Variants in SEMG2 observed in about 807,000 individuals in gnomAD.
SEMG2 encodes semenogelin-2.
In SEMG2, 3 loss-of-function variants were observed where a neutral mutation model predicts 8.1. The observed-to-expected ratio is 0.37, with a 90% confidence interval of 0.17 to 0.96. SEMG2 has a LOEUF of 0.96. Among genes scored for constraint, SEMG2 ranks in the 40% least tolerant of loss-of-function variants. SEMG2 has a pLI of 0.41. For missense variants in SEMG2, 726 were observed against 671.2 expected (o/e 1.08, Z -0.90); for synonymous variants, 252 against 231.4 (o/e 1.09, Z -0.81).
In SEMG2 at chr20:45,222,702, A is replaced by G. The variant is rs751275917; in HGVS notation, c.1070A>G (p.His357Arg). The G allele has an allele frequency of 2.5e-6, 4 of 1,613,198 alleles. No homozygotes were observed. Among genetic ancestry groups the G allele is most frequent in the African/African-American group, 1.3e-5 (1 of 74,688 alleles). Residue 357 changes from histidine to arginine, a missense_variant, in exon 2 of 3, where the codon CAT (histidine) becomes CGT (arginine). His to Arg is a conservative substitution (Grantham distance 29). Transcript: ENST00000372769. ...SYQSSSTEER[H>R]LNCGEKGIQK... Reference sequence around the variant, plus strand: ...CAATCTTCAAGTACAGAAGAAAGACATCTCAACTGTGGAGAAAAGGGCATC... The same window carrying G: ...CAATCTTCAAGTACAGAAGAAAGACGTCTCAACTGTGGAGAAAAGGGCATC...
chr20:45,222,701 C>T lies in SEMG2; in HGVS notation c.1069C>T (p.His357Tyr), dbSNP rs1984049936. Residue 357 changes from histidine (H) to tyrosine (Y), a missense_variant, in exon 2 of 3, where the codon CAT becomes TAT. Coordinates refer to ENST00000372769, the MANE Select transcript of SEMG2 (RefSeq NM_003008.3). ...CCAATCTTCAAGTACAGAAGAAAGACATCTCAACTGTGGAGAAAAGGGCAT... is the reference window on the plus strand; with the variant it reads ...CCAATCTTCAAGTACAGAAGAAAGATATCTCAACTGTGGAGAAAAGGGCAT... ...SYQSSSTEERHLNCGEKGIQK... is the reference protein window; with the variant it reads ...SYQSSSTEERYLNCGEKGIQK... 1 of 1,613,028 alleles carries T rather than the reference C, an allele frequency of 6.2e-7. No homozygotes were observed. Among genetic ancestry groups the T allele is most frequent in the Non-Finnish European group, 8.5e-7 (1 of 1,179,758 alleles).
chr20:45,223,928 A>G (rs1456371187), intron 2 of SEMG2, among the ~76,000 whole-genome samples: 1 of 152,208 alleles, frequency 6.6e-6, no homozygotes, highest in Non-Finnish European at 1.5e-5. Context: ...CTCTGAATAT[A>G]GGAAAGATAT....
rs1388056894 is a variant in SEMG2 at position 45,222,811 on chromosome 20, T to C, written c.1179T>C (p.Pro393=). ...AGTCTCAAAACCAGGTAAGAATTCCTAGTCAAGCTCAAGAGTATGGCCATA... is the reference window on the plus strand; with the variant it reads ...AGTCTCAAAACCAGGTAAGAATTCCCAGTCAAGCTCAAGAGTATGGCCATA... ...HGKSQNQVRI[P]SQAQEYGHKE... is the part of the protein sequence containing the mutation. Residue 393 remains proline (P), a synonymous_variant, in exon 2 of 3, where the codon CCT becomes CCC. Transcript: ENST00000372769. 2 of 1,614,058 alleles carry C rather than the reference T, an allele frequency of 1.2e-6. No individual in the cohort carries two copies. The highest frequency in any genetic ancestry group is 1.7e-5 in the Admixed American group (1 of 60,020).
chr20:45,222,528 A>C lies in SEMG2; in HGVS notation c.896A>C (p.His299Pro). The change falls in exon 2 of 3, where the codon CAC becomes CCC. Residue 299 changes from histidine to proline, a missense_variant. Physicochemically the swap from His to Pro is moderately conservative, Grantham distance 77. Coordinates refer to ENST00000372769, the MANE Select transcript of SEMG2 (RefSeq NM_003008.3). ...PSSRTEERQL[H>P]HGEKSVQKDV... Reference sequence around the variant, plus strand: ...TCACGTACAGAAGAAAGACAACTTCACCATGGAGAAAAGAGTGTACAGAAA... The same window carrying C: ...TCACGTACAGAAGAAAGACAACTTCCCCATGGAGAAAAGAGTGTACAGAAA... 1 of 1,614,068 alleles carries C rather than the reference A, an allele frequency of 6.2e-7. No individual in the cohort carries two copies. The highest frequency in any genetic ancestry group is 8.5e-7 in the Non-Finnish European group (1 of 1,179,998).
chr20:45,221,605 G>A (rs6104068), intron 1 of SEMG2, 104 bp from the exon 2 acceptor site: 1 of 1,396,242 alleles, frequency 7.2e-7, no homozygotes, highest in Admixed American at 2.1e-5. Flanking sequence ...CAACGCTGTA[G>A]GCTTTTGGAA....
rs1600657629 is a variant in SEMG2, at chr20:45,221,987, T to C, written c.355T>C (p.Ser119Pro). ...ACAAGAAGGCAGAGACCATGATAAATCAAAAGGTCATTTTCACATGATAGT... is the reference window on the plus strand; with the variant it reads ...ACAAGAAGGCAGAGACCATGATAAACCAAAAGGTCATTTTCACATGATAGT... ...YKQEGRDHDK[S>P]KGHFHMIVIH... Residue 119 changes from serine to proline, a missense_variant, in exon 2 of 3, where the codon TCA becomes CCA. Transcript: ENST00000372769. 6.2e-7 allele frequency: 1 copy of C among 1,613,824 alleles called. No individual in the cohort carries two copies. The highest frequency in any genetic ancestry group is 1.3e-5 in the African/African-American group (1 of 74,876).
intron 1 of SEMG2, 99 bp downstream of exon 1, chr20:45,221,564 T>C: frequency 6.9e-7 from 1 of 1,439,534 alleles, no homozygotes; most frequent in South Asian, 1.3e-5. Context: ...CACAGATTCT[T>C]CTCCTTGATG....
rs1171156693 is a variant in SEMG2 at position 45,221,546 on chromosome 20, T to G, written c.76+81T>G. The G allele has an allele frequency of 9.9e-6, 15 of 1,512,280 alleles. No individual in the cohort carries two copies. In the South Asian group the frequency reaches 1.6e-4, roughly 16 times the overall value. 93.7% of individuals were successfully genotyped at this position (1,512,280 alleles called of 1,614,324 possible). A position where few individuals can be genotyped will look rare whatever the true frequency, so the allele number is the denominator to read the frequency against. On this transcript the variant is annotated intron_variant, in intron 1 of 2. Transcript: ENST00000372769. ...GATATTCAGGGTGCAAACAGTAACC[T>G]GTTCAGGCACAGATTCTTCTCCTTG...
rs986705429 is a variant in SEMG2 at position 45,221,677 on chromosome 20, T to C, written c.77-32T>C. 38 of 1,532,068 alleles carry C rather than the reference T, an allele frequency of 2.5e-5. 1 individual carries two copies. The East Asian group carries it at 8.3e-4, about 33-fold the overall frequency. The allele number at this position is 1,532,068 out of a possible 1,614,324, so 94.9% of individuals were successfully genotyped here. ...AGTTGCAAGAGAGCTTTGGAGATAA[T>C]GAATGCATACATTTCTATTATCAAT... On this transcript the variant is annotated intron_variant, in intron 1 of 2. Transcript: ENST00000372769.
chr20:45,222,577 T>C lies in SEMG2; in HGVS notation c.945T>C (p.Ser315=), dbSNP rs764864048. The C allele has an allele frequency of 7.4e-6, 12 of 1,614,026 alleles. No homozygotes were observed. In the East Asian group the frequency reaches 8.9e-5, roughly 12 times the overall value. Residue 315 remains serine, a synonymous_variant, in exon 2 of 3, where the codon TCT becomes TCC. Coordinates refer to ENST00000372769, the MANE Select transcript of SEMG2 (RefSeq NM_003008.3). The part of the protein sequence containing the change: ...VQKDVSKGSI[S]IQTEEKIHGK... ...AAGATGTATCCAAAGGCAGCATTTCTATCCAAACTGAAGAGAAAATACATG... is the reference window on the plus strand; with the variant it reads ...AAGATGTATCCAAAGGCAGCATTTCCATCCAAACTGAAGAGAAAATACATG...
chr20:45,222,455 C>G lies in SEMG2; in HGVS notation c.823C>G (p.Gln275Glu), dbSNP rs1461789735. The change falls in exon 2 of 3, where the codon CAA (glutamine) becomes GAA (glutamate). Residue 275 changes from glutamine to glutamate, a missense_variant. Gln to Glu is a conservative substitution (Grantham distance 29). Coordinates refer to ENST00000372769, the MANE Select transcript of SEMG2 (RefSeq NM_003008.3). ...KNQHQTKNLS[Q>E]DQEHGRKAHK... Reference sequence around the variant, plus strand: ...TCAACACCAGACAAAAAATCTCAGTCAAGATCAAGAGCATGGCCGGAAGGC... The same window carrying G: ...TCAACACCAGACAAAAAATCTCAGTGAAGATCAAGAGCATGGCCGGAAGGC... 3 of 1,614,072 alleles carry G rather than the reference C, an allele frequency of 1.9e-6. No homozygotes were observed. The highest frequency in any genetic ancestry group is 8.5e-7 in the Non-Finnish European group (1 of 1,179,996).
At chr20:45,224,210 G>T (rs1394610866) in intron 2 of SEMG2, 81 bp from the exon 3 acceptor site, 1 of 152,492 alleles carries the variant, frequency 6.6e-6, no homozygotes, top group African/African-American at 2.4e-5. Context: ...TGACGCTAAA[G>T]GGGACAGGGG....
chr20:45,221,882 C>T lies in SEMG2; in HGVS notation c.250C>T (p.Gln84Ter). 1.2e-6 allele frequency: 2 copies of T among 1,613,914 alleles called. No homozygotes were observed. Among genetic ancestry groups the T allele is most frequent in the South Asian group, 1.1e-5 (1 of 90,954 alleles). Reference protein sequence around the residue: ...NDHDWTRKSQQYDLNALHKAT... With the variant: ...NDHDWTRKSQ Reference sequence around the variant, plus strand: ...TCATGACTGGACCCGAAAAAGTCAGCAATATGATTTGAATGCCCTACATAA... The same window carrying T: ...TCATGACTGGACCCGAAAAAGTCAGTAATATGATTTGAATGCCCTACATAA... Residue 84 changes from glutamine (Q) to a stop codon, truncating the protein, a stop_gained, in exon 2 of 3, where the codon CAA (glutamine) becomes TAA (stop). Transcript: ENST00000372769. LOFTEE classifies it low-confidence loss of function (END_TRUNC).
At chr20:45,223,983 G>C (rs1984085180) in intron 2 of SEMG2, among the ~76,000 whole-genome samples, 1 of 152,220 alleles carries the variant, frequency 6.6e-6, no homozygotes, top group Non-Finnish European at 1.5e-5. Context: ...AAAGGAAGTG[G>C]AAATGGAGGT....
intron 2 of SEMG2, 136 bp downstream of exon 2, chr20:45,223,561 C>T (rs909342754): frequency 1.6e-5 from 8 of 503,112 alleles, no homozygotes; most frequent in Non-Finnish European, 2.8e-5. Context: ...AGATGAACAC[C>T]ATTTCCTGGC....
chr20:45,223,839 A>G (rs537831528), intron 2 of SEMG2, among the ~76,000 whole-genome samples: 1 of 152,328 alleles, frequency 6.6e-6, no homozygotes, highest in African/African-American at 2.4e-5. Context: ...CTGCACATAC[A>G]TGAATGTTCT....
At chr20:45,223,559 A>T in intron 2 of SEMG2, 134 bp downstream of exon 2, 1 of 503,394 alleles carries the variant, frequency 2.0e-6, no homozygotes, top group Non-Finnish European at 3.5e-6. Context: ...GAAGATGAAC[A>T]CCATTTCCTG....
chr20:45,222,519 GACA>G lies in SEMG2; in HGVS notation c.890_892del (p.Gln297del). On this transcript the variant is annotated inframe_deletion, in exon 2 of 3. Coordinates refer to ENST00000372769, the MANE Select transcript of SEMG2 (RefSeq NM_003008.3). ...TACCCGTCTTCACGTACAGAAGAAA[GACA>G]ACTTCACCATGGAGAAAAGAGTGTA... The G allele has an allele frequency of 6.2e-7, 1 of 1,613,932 alleles. No homozygotes were observed. Among genetic ancestry groups the G allele is most frequent in the South Asian group, 1.1e-5 (1 of 91,046 alleles).
chr20:45,222,276 A>C lies in SEMG2; in HGVS notation c.644A>C (p.Gln215Pro). The C allele has an allele frequency of 6.2e-7, 1 of 1,614,050 alleles. No individual in the cohort carries two copies. Among genetic ancestry groups the C allele is most frequent in the Non-Finnish European group, 8.5e-7 (1 of 1,179,986 alleles). ...KQQRETKNSHQNKGHYQNVVD... is the reference protein window; with the variant it reads ...KQQRETKNSHPNKGHYQNVVD... ...CAACGTGAGACTAAAAATTCTCATC[A>C]AAATAAAGGGCATTACCAAAATGTG... Residue 215 changes from glutamine (Q) to proline (P), a missense_variant, in exon 2 of 3, where the codon CAA (glutamine) becomes CCA (proline). Transcript: ENST00000372769.
Sources: allele counts gnomAD v4.1 joint callset (sites outside exome capture counted in the v4.1 genomes callset), GRCh38; gene constraint gnomAD v4.1.1; transcripts MANE v1.5; gene names NCBI Gene and HGNC (gene_info 2026-07-23, HGNC 2026-07-21).